The following ADAMTS17 variants were observed in gnomAD, a reference collection of about 807,000 sequenced individuals.
ADAMTS17 encodes the protein A disintegrin and metalloproteinase with thrombospondin motifs 17.
Under a neutral mutation model 141.5 loss-of-function variants are expected in ADAMTS17, and 113 were observed. The ratio of observed to expected loss-of-function variants is 0.80; its 90% CI spans 0.69 to 0.93. The LOEUF (loss-of-function observed/expected upper bound fraction) is 0.93. Among genes scored for constraint, ADAMTS17 ranks in the 40% least tolerant of loss-of-function variants. The pLI, the probability that ADAMTS17 is intolerant of heterozygous loss-of-function variation, is 0.00. For missense variants in ADAMTS17, 1,659 were observed against 1,517.9 expected (o/e 1.09, Z -1.54); for synonymous variants, 768 against 630.6 (o/e 1.22, Z -3.27).
At chr15:100,263,500 G>A (rs1009436817) in intron 4 of ADAMTS17, among the ~76,000 whole-genome samples, 2 of 152,108 alleles carry the variant, frequency 1.3e-5, no homozygotes, top group Non-Finnish European at 2.9e-5. Flanking sequence ...TTAATTGTAA[G>A]GACCTCAACA....
chr15:99,997,182 T>G lies in ADAMTS17; in HGVS notation c.2796+203A>C, dbSNP rs1253562941. Among the ~76,000 whole-genome samples the G allele has an allele frequency of 6.6e-6, 1 of 152,262 alleles. No individual in the cohort carries two copies. Among genetic ancestry groups the G allele is most frequent in the East Asian group, 1.9e-4 (1 of 5,198 alleles). On this transcript the variant is annotated intron_variant, in intron 19 of 21. Coordinates refer to ENST00000268070, the MANE Select transcript of ADAMTS17 (RefSeq NM_139057.4). The surrounding 1 kb of genome is among the most constrained non-coding windows in gnomAD (Gnocchi z 4.7). The stretch of plus-strand genomic sequence containing the variant: ...ACAGTCCTTCACTGTGGTGTTGACA[T>G]GTACATCATCAGAGACATGGTATCT...
chr15:99,971,453 T>A lies in ADAMTS17; in HGVS notation c.*2949A>T, dbSNP rs1202223724. 1 of 152,248 alleles carries A rather than the reference T, an allele frequency of 6.6e-6. No homozygotes were observed. Among genetic ancestry groups the A allele is most frequent in the African/African-American group, 2.4e-5 (1 of 41,466 alleles). 9.4% of individuals were successfully genotyped at this position (152,248 alleles called of 1,614,324 possible). On this transcript the variant is annotated 3_prime_UTR_variant, in exon 22 of 22. Transcript: ENST00000268070. Reference sequence around the variant, plus strand: ...GCTTTAAACTGTTATGGAAAAACATTTTATTACACATATTCAACTTGCTTC... The same window carrying A: ...GCTTTAAACTGTTATGGAAAAACATATTATTACACATATTCAACTTGCTTC...
intron 7 of ADAMTS17, among the ~76,000 whole-genome samples, chr15:100,239,346 G>A (rs776407532): frequency 2.6e-5 from 4 of 152,252 alleles, no homozygotes; most frequent in Admixed American, 2.6e-4. Context: ...CTGCAAGCAC[G>A]GGATGAGGAG....
intron 4 of ADAMTS17, among the ~76,000 whole-genome samples, chr15:100,272,151 T>G (rs1425311636): frequency 6.6e-6 from 1 of 152,218 alleles, no homozygotes; most frequent in East Asian, 1.9e-4. Flanking sequence ...TGAGTCTTAC[T>G]GTGTTCTTTT....
intron 3 of ADAMTS17, among the ~76,000 whole-genome samples, chr15:100,292,017 AC>A (rs2142128041): frequency 6.6e-6 from 1 of 152,368 alleles, no homozygotes; most frequent in Admixed American, 6.5e-5. Context: ...TGAGACACTC[AC>A]CCCGTGTGGA....
intron 8 of ADAMTS17, among the ~76,000 whole-genome samples, chr15:100,173,050 T>G (rs1321753029): frequency 2.0e-5 from 3 of 152,002 alleles, no homozygotes; most frequent in Non-Finnish European, 2.9e-5. Context: ...GTCTAAGGGG[T>G]GGGGTGGGGA....
At chr15:100,042,643 G>T (rs141203921) in intron 18 of ADAMTS17, among the ~76,000 whole-genome samples, 18 of 152,220 alleles carry the variant, frequency 1.2e-4, no homozygotes, top group Middle Eastern at 6.8e-3. Context: ...TAAGTAAAAC[G>T]CAAGAACTAC....
chr15:100,014,207 A>C (rs1405630348), intron 18 of ADAMTS17, among the ~76,000 whole-genome samples: 1 of 152,152 alleles, frequency 6.6e-6, no homozygotes, highest in Admixed American at 6.5e-5. Flanking sequence ...AATCTTTCAC[A>C]TTTCACTGGT....
intron 3 of ADAMTS17, among the ~76,000 whole-genome samples, chr15:100,283,402 A>G (rs4965625): frequency 0.06 from 9,113 of 152,270 alleles, 533 homozygotes; most frequent in East Asian, 0.23. Flanking sequence ...CTCTCACCTG[A>G]CCAGCCTGGA....
intron 7 of ADAMTS17, among the ~76,000 whole-genome samples, chr15:100,243,170 G>C (rs1281317554): frequency 1.3e-5 from 2 of 152,126 alleles, no homozygotes; most frequent in Non-Finnish European, 2.9e-5. Context: ...CCTTCCTTTT[G>C]AAGGCTGAGT....
chr15:100,128,335 A>C (rs2037852936), intron 12 of ADAMTS17: 1 of 152,282 alleles, frequency 6.6e-6, no homozygotes, highest in South Asian at 2.1e-4. Context: ...GAAAGGCTTC[A>C]TCAGGAAGGG....
intron 7 of ADAMTS17, among the ~76,000 whole-genome samples, chr15:100,227,693 C>T (rs373644824): frequency 6.6e-6 from 1 of 152,210 alleles, no homozygotes. Context: ...AAACCTTTCT[C>T]TGAGGCTGCC....
At chr15:100,336,970 T>C (rs1314064972) in intron 2 of ADAMTS17, among the ~76,000 whole-genome samples, 1 of 152,064 alleles carries the variant, frequency 6.6e-6, no homozygotes, top group Admixed American at 6.5e-5. Flanking sequence ...ACCTCCCAGG[T>C]TCAAGCGATT....
chr15:100,059,255 C>T (rs890610030), intron 15 of ADAMTS17, among the ~76,000 whole-genome samples: 8 of 152,246 alleles, frequency 5.3e-5, no homozygotes, highest in Admixed American at 6.5e-5. Context: ...AAAGAATACA[C>T]TTGGCATGCC....
chr15:100,226,696 G>A (rs777684832), intron 7 of ADAMTS17, among the ~76,000 whole-genome samples: 3 of 152,206 alleles, frequency 2.0e-5, no homozygotes, highest in Non-Finnish European at 4.4e-5. Context: ...GACCTCAGAG[G>A]ATGATCTCGG....
At chr15:100,093,994 T>G (rs575391604) in intron 15 of ADAMTS17, among the ~76,000 whole-genome samples, 1 of 152,008 alleles carries the variant, frequency 6.6e-6, no homozygotes, top group East Asian at 1.9e-4. Flanking sequence ...CAGTGACTCA[T>G]TCTTGTGCAA....
At position 99,993,326 on chromosome 15, in the gene ADAMTS17, T is replaced by C. The variant is rs190621951; in HGVS notation, c.2797-126A>G. ...ATACAAAGATGAAAACCCACACTTC[T>C]GTCCTCAAAAAGCTCCTGGTCTGCA... On this transcript the variant is annotated intron_variant, in intron 19 of 21. Transcript: ENST00000268070. The surrounding 1 kb of genome is among the most constrained non-coding windows in gnomAD (Gnocchi z 4.3). 3,154 of 1,406,470 alleles carry C rather than the reference T, an allele frequency of 2.2e-3. 8 individuals are homozygous for C. The highest frequency in any genetic ancestry group is 3.5e-3 in the Admixed American group (201 of 57,588). The allele number at this position is 1,406,470 out of a possible 1,614,324, so 87.1% of individuals were successfully genotyped here.
intron 12 of ADAMTS17, among the ~76,000 whole-genome samples, chr15:100,121,374 T>C (rs1198021512): frequency 6.6e-6 from 1 of 152,132 alleles, no homozygotes; most frequent in Non-Finnish European, 1.5e-5. Context: ...CCAAGTAGGA[T>C]ACAAGGACCC....
intron 3 of ADAMTS17, among the ~76,000 whole-genome samples, chr15:100,316,093 C>T (rs2045557773): frequency 6.6e-6 from 1 of 152,214 alleles, no homozygotes; most frequent in African/African-American, 2.4e-5. Context: ...ACTGACTACA[C>T]AAGGTTTTTT....
Sources: gnomAD v4.1 joint callset for allele counts (sites outside exome capture counted in the v4.1 genomes callset) on GRCh38, gnomAD v4.1.1 for gene constraint, Gnocchi (gnomAD v3.1) non-coding constraint, MANE v1.5 for transcripts, NCBI Gene and HGNC (gene_info 2026-07-23, HGNC 2026-07-21) for gene names.